The following PKD1L3 variants were observed in gnomAD, a reference collection of about 807,000 sequenced individuals.
PKD1L3 encodes polycystin 1 like 3, transient receptor potential channel interacting.
PKD1L3 carries 239 observed loss-of-function variants against 184.1 expected under a neutral mutation model. The ratio of observed to expected loss-of-function variants is 1.30; its 90% confidence interval spans 1.17 to 1.45. The LOEUF is 1.45. PKD1L3 is among the 40% of genes most tolerant of loss of function. PKD1L3 has a pLI of 0.00. For missense variants in PKD1L3, 2,660 were observed against 2,067.2 expected (o/e 1.29, Z -5.56); for synonymous variants, 996 against 778.8 (o/e 1.28, Z -4.64).
chr16:71,997,893 A>T (rs1417869908), intron 2 of PKD1L3, among the ~76,000 whole-genome samples: 1 of 152,156 alleles, frequency 6.6e-6, no homozygotes, highest in African/African-American at 2.4e-5. Flanking sequence ...TCACCGTTCG[A>T]CTTCTCATCT....
In PKD1L3 at chr16:71,983,057, T is replaced by A. The variant is rs558449306; in HGVS notation, c.967-822A>T. ...CATATTTCATGTTATTCTGACAAAC[T>A]GACAATTCTTTTTGAGTGGTGAGTA... On this transcript the variant is annotated intron_variant, in intron 6 of 29. Coordinates refer to ENST00000620267, the MANE Select transcript of PKD1L3 (RefSeq NM_181536.2). Among the ~76,000 whole-genome samples, 3 of 152,302 alleles carry A rather than the reference T, an allele frequency of 2.0e-5. No homozygotes were observed. In the East Asian group the frequency reaches 5.8e-4, roughly 29 times the overall value.
At chr16:71,938,895 C>A (rs2038270005) in intron 24 of PKD1L3, among the ~76,000 whole-genome samples, 1 of 152,224 alleles carries the variant, frequency 6.6e-6, no homozygotes. Flanking sequence ...GAACTCGGGA[C>A]CCGCTGAGTG....
At chr16:71,946,455 A>G (rs948348870) in intron 22 of PKD1L3, among the ~76,000 whole-genome samples, 2 of 152,046 alleles carry the variant, frequency 1.3e-5, no homozygotes, top group Non-Finnish European at 1.5e-5. Context: ...TTTTTACATG[A>G]TTAAGATATT....
intron 2 of PKD1L3, among the ~76,000 whole-genome samples, chr16:71,997,990 G>A (rs1176830285): frequency 6.6e-6 from 1 of 152,050 alleles, no homozygotes; most frequent in Non-Finnish European, 1.5e-5. Flanking sequence ...GTGTGCATGT[G>A]GAAAATGGTG....
rs764773755 is a variant in PKD1L3 at position 71,944,158 on chromosome 16, G to A, written c.3731C>T (p.Ser1244Leu). 13 of 1,549,212 alleles carry A rather than the reference G, an allele frequency of 8.4e-6. No homozygotes were observed. Among genetic ancestry groups the A allele is most frequent in the Middle Eastern group, 1.7e-4 (1 of 6,000 alleles). The change falls in exon 23 of 30, where the codon TCG becomes TTG. Residue 1244 changes from serine (S) to leucine (L), a missense_variant. Ser to Leu is a moderately radical substitution (Grantham distance 145, BLOSUM62 -2). Transcript: ENST00000620267. The part of the protein sequence containing the change: ...RILALLAKCS[S>L]SVPGSRDKNN... ...CTTATCTCTTGAACCTGGTACTGAC[G>A]AAGAACATTTTGCTGTCAAAAATTC...
rs1158707266 is a variant in PKD1L3 at position 71,967,330 on chromosome 16, G to T, written c.2287-15C>A. 3.9e-6 allele frequency: 6 copies of T among 1,541,016 alleles called. No individual in the cohort carries two copies. The stretch of plus-strand genomic sequence containing the variant: ...GTGATGACAACCTACAATGAGACAG[G>T]GAAAGATAAAATATAAGGAATTTTA... On this transcript the variant is annotated splice_polypyrimidine_tract_variant and intron_variant, in intron 14 of 29. Coordinates refer to ENST00000620267, the MANE Select transcript of PKD1L3 (RefSeq NM_181536.2).
At chr16:71,937,180 C>A (rs753336094) in intron 25 of PKD1L3, 112 bp downstream of exon 25, 2 of 1,106,734 alleles carry the variant, frequency 1.8e-6, no homozygotes, top group Non-Finnish European at 2.5e-6. Context: ...CTCAGCCTCC[C>A]GAGTAGCTGG....
At position 71,999,975 on chromosome 16, in the gene PKD1L3, A is replaced by C. The variant is rs757242083; in HGVS notation, c.4T>G (p.Phe2Val). Residue 2 changes from phenylalanine (F) to valine (V), a missense_variant, in exon 1 of 30, where the codon TTC becomes GTC. Transcript: ENST00000620267. ...CAAAGCCAGCTTCCTCCTTTGAAGA[A>C]CATTTTCTCTGAATTGTAGCAAGAA... MFFKGGSWLWLY... is the reference protein window; with the variant it reads MVFKGGSWLWLY... 5 of 1,515,406 alleles carry C rather than the reference A, an allele frequency of 3.3e-6. No individual in the cohort carries two copies. Among genetic ancestry groups the C allele is most frequent in the South Asian group, 2.5e-5 (2 of 78,478 alleles). The allele number at this position is 1,515,406 out of a possible 1,614,324, so 93.9% of individuals were successfully genotyped here.
At chr16:71,943,446 G>C (rs1450328141) in intron 23 of PKD1L3, among the ~76,000 whole-genome samples, 3 of 143,014 alleles carry the variant, frequency 2.1e-5, no homozygotes, top group Non-Finnish European at 4.5e-5. Context: ...GCCGAGGTAG[G>C]AGAATCGCTA....
Position 71,963,204 on chromosome 16 carries a change from C to T in PKD1L3, c.2612+1G>A, listed in dbSNP as rs1173167044. The T allele has an allele frequency of 1.3e-5, 20 of 1,545,682 alleles. No individual in the cohort carries two copies. In the Admixed American group the frequency reaches 4.0e-4, roughly 31 times the overall value. On this transcript the variant is annotated splice_donor_variant, in intron 16 of 29. Coordinates refer to ENST00000620267, the MANE Select transcript of PKD1L3 (RefSeq NM_181536.2). LOFTEE classifies it high-confidence loss of function. ...TGTTAATAGTAATTTTCCAACAGTA[C>T]CTAAAGGAAAAGAGCTCTCTCTTTG...
At chr16:71,995,176 A>G (rs1333993866) in intron 2 of PKD1L3, among the ~76,000 whole-genome samples, 6 of 152,146 alleles carry the variant, frequency 3.9e-5, no homozygotes, top group African/African-American at 1.4e-4. Flanking sequence ...CAACCTCGTA[A>G]GGTGAAAAGG....
Position 71,984,114 on chromosome 16 carries a change from A to G in PKD1L3, c.888T>C (p.Ala296=). The part of the protein sequence containing the change: ...NFSRAVHGLQ[A]LNKLQEACEF... ...CACAAGCTTCCTGTAGTTTGTTAAGAGCTTGCAAACCATGAACTGCTCTGC... is the reference window on the plus strand; with the variant it reads ...CACAAGCTTCCTGTAGTTTGTTAAGGGCTTGCAAACCATGAACTGCTCTGC... The change falls in exon 6 of 30, where the codon GCT becomes GCC. Residue 296 remains alanine, a synonymous_variant. Transcript: ENST00000620267. 3 of 1,552,064 alleles carry G rather than the reference A, an allele frequency of 1.9e-6. No homozygotes were observed. The highest frequency in any genetic ancestry group is 2.6e-6 in the Non-Finnish European group (3 of 1,147,034).
chr16:71,978,538 CATACT>C lies in PKD1L3; in HGVS notation c.1399-160_1399-156del, dbSNP rs1355835055. Among the ~76,000 whole-genome samples the C allele has an allele frequency of 5.6e-3, 505 of 90,740 alleles. 1 individual carries two copies. The highest frequency in any genetic ancestry group is 7.8e-3 in the Non-Finnish European group (373 of 47,794). The allele number at this position is 90,740 out of a possible 152,430, so 59.5% of individuals were successfully genotyped here. ...ATATATATACATACATACATACATA[CATACT>C]TTTTTTTTTTTTTTGAGAAAGAGTC... is the stretch of plus-strand genomic sequence containing the variant. On this transcript the variant is annotated intron_variant, in intron 9 of 29. Transcript: ENST00000620267.
At chr16:71,938,399 C>T (rs545094433) in intron 24 of PKD1L3, among the ~76,000 whole-genome samples, 12 of 152,282 alleles carry the variant, frequency 7.9e-5, no homozygotes, top group African/African-American at 2.9e-4. Flanking sequence ...TTGGCACAAA[C>T]AGCCTGGGCA....
chr16:71,963,901 T>C (rs1334613957), intron 15 of PKD1L3, among the ~76,000 whole-genome samples: 4 of 152,220 alleles, frequency 2.6e-5, no homozygotes, highest in African/African-American at 9.6e-5. Context: ...AGTATGTATC[T>C]ACACATTTTA....
At chr16:71,956,786 A>G (rs924013793) in intron 16 of PKD1L3, among the ~76,000 whole-genome samples, 1 of 152,240 alleles carries the variant, frequency 6.6e-6, no homozygotes, top group African/African-American at 2.4e-5. Flanking sequence ...CTACACACTT[A>G]AAAATGGTGA....
chr16:71,954,555 G>A (rs1286063690), intron 16 of PKD1L3, among the ~76,000 whole-genome samples: 1 of 152,054 alleles, frequency 6.6e-6, no homozygotes, highest in African/African-American at 2.4e-5. Flanking sequence ...TATGCTATGC[G>A]AGTTTAAAAT....
intron 10 of PKD1L3, 93 bp from the exon 11 acceptor site, chr16:71,977,560 C>CTTCCTTTT: frequency 1.5e-5 from 8 of 543,436 alleles, no homozygotes; most frequent in South Asian, 8.4e-5. Context: ...CGTCCTAGCT[C>CTTCCTTTT]TTTTTTTTTT....
rs1195913762 is a variant in PKD1L3 at position 71,947,506 on chromosome 16, A to T, written c.3704T>A (p.Ile1235Asn). 1.3e-6 allele frequency: 2 copies of T among 1,523,368 alleles called. No homozygotes were observed. The highest frequency in any genetic ancestry group is 3.1e-5 in the African/African-American group (2 of 64,958). 94.4% of individuals were successfully genotyped at this position (1,523,368 alleles called of 1,614,324 possible). The change falls in exon 22 of 30, where the codon ATC (isoleucine) becomes AAC (asparagine). Residue 1235 changes from isoleucine (I) to asparagine (N), a missense_variant. Physicochemically the swap from Ile to Asn is moderately radical, Grantham distance 149. Coordinates refer to ENST00000620267, the MANE Select transcript of PKD1L3 (RefSeq NM_181536.2). ...ACTTGAGTTACCCAAGAGTGCCAAG[A>T]TCCTCTTTGTTTGTTGTTCATTCTC... Reference protein sequence around the residue: ...NKENEQQTKRILALLAKCSSS... With the variant: ...NKENEQQTKRNLALLAKCSSS...
Sources: gnomAD v4.1 joint callset for allele counts (sites outside exome capture counted in the v4.1 genomes callset) on GRCh38, gnomAD v4.1.1 for gene constraint, MANE v1.5 for transcripts, NCBI Gene and HGNC (gene_info 2026-07-23, HGNC 2026-07-21) for gene names.